The following VTI1B variants were observed in gnomAD, a reference collection of about 807,000 sequenced individuals.
VTI1B encodes the protein vesicle transport through interaction with t-SNAREs 1B, also known as vesicle transport through interaction with t-SNAREs homolog 1B.
Under a neutral mutation model 28.6 loss-of-function variants are expected in VTI1B, and 18 were observed. That is an observed-to-expected ratio of 0.63 (90% CI 0.43 to 0.93). The LOEUF is 0.93. Among genes scored for constraint, VTI1B ranks in the 40% least tolerant of loss-of-function variants. VTI1B has a pLI of 0.00. For synonymous variants in VTI1B, 100 were observed against 107.9 expected (o/e 0.93, Z 0.46); for missense variants, 283 against 297.0 (o/e 0.95, Z 0.35).
At chr14:67,658,217 A>T (rs569454311) in intron 3 of VTI1B, among the ~76,000 whole-genome samples, 1 of 152,356 alleles carries the variant, frequency 6.6e-6, no homozygotes, top group African/African-American at 2.4e-5. Context: ...GACTAAGAAA[A>T]GATCAGATCA....
At chr14:67,669,383 C>T (rs529349435) in intron 1 of VTI1B, among the ~76,000 whole-genome samples, 1 of 151,828 alleles carries the variant, frequency 6.6e-6, no homozygotes, top group South Asian at 2.1e-4. Context: ...GATCCTCCTG[C>T]CTCAGCCTCC....
chr14:67,661,136 C>T (rs572290105), intron 2 of VTI1B, among the ~76,000 whole-genome samples: 59 of 152,124 alleles, frequency 3.9e-4, no homozygotes, highest in African/African-American at 1.4e-3. Context: ...TCTCCATCTG[C>T]TCTCGGGTAG....
chr14:67,649,494 T>A lies in VTI1B; in HGVS notation c.*1891A>T, dbSNP rs781158857. The A allele has an allele frequency of 6.6e-6, 1 of 152,070 alleles. No individual in the cohort carries two copies. Among genetic ancestry groups the A allele is most frequent in the Non-Finnish European group, 1.5e-5 (1 of 68,044 alleles). The allele number at this position is 152,070 out of a possible 1,614,324, so 9.4% of individuals were successfully genotyped here. A position where few individuals can be genotyped will look rare whatever the true frequency, so the allele number is the denominator to read the frequency against. On this transcript the variant is annotated 3_prime_UTR_variant, in exon 6 of 6. Coordinates refer to ENST00000554659, the MANE Select transcript of VTI1B (RefSeq NM_006370.3). ...TGCTTAATTTATAGGGTGGCAATAG[T>A]CTGGAAACATAAGTCATGTATATAT...
At chr14:67,665,602 T>C (rs2037392870) in intron 1 of VTI1B, among the ~76,000 whole-genome samples, 1 of 152,210 alleles carries the variant, frequency 6.6e-6, no homozygotes, top group African/African-American at 2.4e-5. Context: ...TAAATCATTT[T>C]GGATGCGTAT....
At position 67,648,270 on chromosome 14, in the gene VTI1B, C is replaced by A; in HGVS notation, c.*3115G>T. 2.1e-6 allele frequency: 3 copies of A among 1,438,248 alleles called. No individual in the cohort carries two copies. The highest frequency in any genetic ancestry group is 2.7e-5 in the South Asian group (2 of 75,076). 89.1% of individuals were successfully genotyped at this position (1,438,248 alleles called of 1,614,324 possible). The stretch of plus-strand genomic sequence containing the variant: ...CCTGCAAAGGATCTTTTCTGCTATT[C>A]CACATCATTGCAGAGTTTGTTTTTG... On this transcript the variant is annotated 3_prime_UTR_variant, in exon 6 of 6. Coordinates refer to ENST00000554659, the MANE Select transcript of VTI1B (RefSeq NM_006370.3).
At position 67,647,947 on chromosome 14, in the gene VTI1B, A is replaced by C. The variant is rs1161208675; in HGVS notation, c.*3438T>G. 1 of 1,176,484 alleles carries C rather than the reference A, an allele frequency of 8.5e-7. No individual in the cohort carries two copies. The allele number at this position is 1,176,484 out of a possible 1,614,324, so 72.9% of individuals were successfully genotyped here. A position where few individuals can be genotyped will look rare whatever the true frequency, so the allele number is the denominator to read the frequency against. ...TTATTAACAAAGTACTAGGACTAATAGCAACAAAATCAAGGAGTTGCAACC... is the reference window on the plus strand; with the variant it reads ...TTATTAACAAAGTACTAGGACTAATCGCAACAAAATCAAGGAGTTGCAACC... On this transcript the variant is annotated 3_prime_UTR_variant, in exon 6 of 6. Transcript: ENST00000554659.
Position 67,647,935 on chromosome 14 carries a change from A to G in VTI1B, c.*3450T>C, listed in dbSNP as rs2037121779. 3.8e-6 allele frequency: 4 copies of G among 1,046,238 alleles called. No homozygotes were observed. The South Asian group carries it at 6.5e-5, about 17-fold the overall frequency. The allele number at this position is 1,046,238 out of a possible 1,614,324, so 64.8% of individuals were successfully genotyped here. Reference sequence around the variant, plus strand: ...GTATTAACAGCTTTATTAACAAAGTACTAGGACTAATAGCAACAAAATCAA... The same window carrying G: ...GTATTAACAGCTTTATTAACAAAGTGCTAGGACTAATAGCAACAAAATCAA... On this transcript the variant is annotated 3_prime_UTR_variant, in exon 6 of 6. Coordinates refer to ENST00000554659, the MANE Select transcript of VTI1B (RefSeq NM_006370.3).
intron 5 of VTI1B, among the ~76,000 whole-genome samples, chr14:67,651,875 A>ACTT (rs1338053216): frequency 6.6e-6 from 1 of 152,168 alleles, no homozygotes; most frequent in African/African-American, 2.4e-5. Flanking sequence ...TCCCTTGTAA[A>ACTT]CTTCTTCCCT....
intron 3 of VTI1B, among the ~76,000 whole-genome samples, chr14:67,657,751 C>CTTTTT (rs548633018): frequency 1.7e-5 from 2 of 115,118 alleles, no homozygotes; most frequent in South Asian, 2.8e-4. Context: ...TTCTTTCTTT[C>CTTTTT]TTTTTTTTTT....
intron 1 of VTI1B, among the ~76,000 whole-genome samples, chr14:67,665,618 A>G (rs1383477840): frequency 1.3e-5 from 2 of 152,168 alleles, no homozygotes; most frequent in East Asian, 3.8e-4. Context: ...CGTATATTCT[A>G]TAATCTCAAC....
At chr14:67,659,665 A>G in intron 3 of VTI1B, 66 bp downstream of exon 3, 1 of 1,472,236 alleles carries the variant, frequency 6.8e-7, no homozygotes, top group Non-Finnish European at 9.1e-7. Context: ...CCCCAACAAT[A>G]TAGTTAATTT....
At chr14:67,664,685 G>C (rs1467038771) in intron 1 of VTI1B, among the ~76,000 whole-genome samples, 1 of 151,986 alleles carries the variant, frequency 6.6e-6, no homozygotes, top group Non-Finnish European at 1.5e-5. Flanking sequence ...TTTTAATAAA[G>C]ACAGGGTTTT....
chr14:67,651,324 C>T lies in VTI1B; in HGVS notation c.*61G>A, dbSNP rs762913933. The T allele has an allele frequency of 1.2e-6, 2 of 1,610,736 alleles. No individual in the cohort carries two copies. The highest frequency in any genetic ancestry group is 3.3e-5 in the Admixed American group (2 of 59,934). On this transcript the variant is annotated 3_prime_UTR_variant, in exon 6 of 6. Transcript: ENST00000554659. The stretch of plus-strand genomic sequence containing the variant: ...AGCAATATGCTTATTCTATCCACAT[C>T]CCTAACATCATGCATTCACAAGGTC...
intron 1 of VTI1B, among the ~76,000 whole-genome samples, chr14:67,663,490 G>A (rs1323630732): frequency 6.6e-6 from 1 of 151,852 alleles, no homozygotes; most frequent in Non-Finnish European, 1.5e-5. Flanking sequence ...TGCCTAACAC[G>A]GTGAAACCCC....
intron 2 of VTI1B, among the ~76,000 whole-genome samples, chr14:67,660,940 A>C (rs538237996): frequency 3.7e-4 from 57 of 152,338 alleles, no homozygotes; most frequent in Non-Finnish European, 6.6e-4. Context: ...AAAAGCTCCC[A>C]GTACTCCCAT....
At chr14:67,654,117 A>T (rs1423257735) in intron 4 of VTI1B, among the ~76,000 whole-genome samples, 1 of 151,944 alleles carries the variant, frequency 6.6e-6, no homozygotes, top group East Asian at 1.9e-4. Flanking sequence ...CTTGGCTTTT[A>T]TTTATTTGAA....
At chr14:67,662,683 A>G in intron 1 of VTI1B, 148 bp from the exon 2 acceptor site, 2 of 743,604 alleles carry the variant, frequency 2.7e-6, no homozygotes, top group Non-Finnish European at 4.1e-6. Flanking sequence ...AGGCAGGTGG[A>G]TCACAAGGTC....
chr14:67,673,637 A>C (rs2037497117), intron 1 of VTI1B, among the ~76,000 whole-genome samples: 1 of 152,218 alleles, frequency 6.6e-6, no homozygotes, highest in Non-Finnish European at 1.5e-5. Context: ...TATGACCTTG[A>C]GTAATTCGTT....
intron 1 of VTI1B, among the ~76,000 whole-genome samples, chr14:67,665,649 A>C (rs1354491434): frequency 6.6e-6 from 1 of 152,152 alleles, no homozygotes; most frequent in East Asian, 1.9e-4. Flanking sequence ...GTTCCTCTGA[A>C]ACATGGAAAT....
Sources: gnomAD v4.1 joint callset for allele counts (sites outside exome capture counted in the v4.1 genomes callset) on GRCh38, gnomAD v4.1.1 for gene constraint, MANE v1.5 for transcripts, NCBI Gene and HGNC (gene_info 2026-07-23, HGNC 2026-07-21) for gene names.